Variants in BAZ2B observed in about 807,000 individuals in gnomAD.
The protein encoded by BAZ2B is bromodomain adjacent to zinc finger domain 2B, also known as bromodomain adjacent to zinc finger domain protein 2B.
In BAZ2B, 91 loss-of-function variants were observed where a neutral mutation model predicts 246.0. The observed-to-expected ratio is 0.37, with a 90% CI of 0.31 to 0.44. BAZ2B has a LOEUF of 0.44. Ranked by LOEUF, BAZ2B falls within the 20% of genes least tolerant of loss-of-function variation. BAZ2B has a pLI of 1.00. For synonymous variants in BAZ2B, 855 were observed against 860.0 expected (o/e 0.99, Z 0.10); for missense variants, 2,332 against 2,533.7 (o/e 0.92, Z 1.71).
chr2:159,633,034 C>T, the BAZ2B span, among the ~76,000 whole-genome samples: 1 of 152,054 alleles, frequency 6.6e-6, no homozygotes, highest in Non-Finnish European at 1.5e-5. Flanking sequence ...ATGAATTTTA[C>T]AAGACAGTAC....
rs1242819788 is a variant in BAZ2B at position 159,430,236 on chromosome 2, C to T, written c.2194+627G>A. 2.0e-5 allele frequency among the ~76,000 whole-genome samples: 3 copies of T among 152,160 alleles called. No homozygotes were observed. The East Asian group carries it at 5.8e-4, about 29-fold the overall frequency. ...CTCTGCCACCCATGAAACAGCAAGA[C>T]CAATCCTTCTCCTCCTCAGCCTGTT... On this transcript the variant is annotated intron_variant, in intron 10 of 36. Transcript: ENST00000392783.
At chr2:159,590,616 T>C (rs1351510519) in intron 1 of BAZ2B, among the ~76,000 whole-genome samples, 2 of 151,890 alleles carry the variant, frequency 1.3e-5, no homozygotes, top group Admixed American at 6.6e-5. Context: ...AATAAATAGA[T>C]AGATAGATAG....
In BAZ2B at chr2:159,349,743, C is replaced by T. The variant is rs1256645153; in HGVS notation, c.4828G>A (p.Val1610Ile). ...GATAAAGCAAATGGATTTAAGCCAA[C>T]AGGATTCTGAGCAGAAGATCCAAGA... The part of the protein sequence containing the change: ...APLGSSAQNP[V>I]GLNPFALSPL... Residue 1610 changes from valine to isoleucine, a missense_variant, in exon 28 of 37, where the codon GTT (valine) becomes ATT (isoleucine). Physicochemically the swap from Val to Ile is conservative, Grantham distance 29 (BLOSUM62 3). Around this residue, in one of 9 missense-constraint regions of BAZ2B, gnomAD observed 676 missense variants for 668.6 expected, o/e 1.01. Transcript: ENST00000392783. 55 of 1,613,754 alleles carry T rather than the reference C, an allele frequency of 3.4e-5. No homozygotes were observed. Among genetic ancestry groups the T allele is most frequent in the Non-Finnish European group, 4.5e-5 (53 of 1,179,934 alleles).
intron 1 of BAZ2B, among the ~76,000 whole-genome samples, chr2:159,577,017 G>A (rs1181624173): frequency 6.6e-6 from 1 of 151,598 alleles, no homozygotes; most frequent in Non-Finnish European, 1.5e-5. Context: ...CTTGAGCCCA[G>A]GAGTTCAAGA....
At chr2:159,675,124 T>C in the BAZ2B span, among the ~76,000 whole-genome samples, 2 of 152,258 alleles carry the variant, frequency 1.3e-5, no homozygotes, top group South Asian at 4.1e-4. Flanking sequence ...TATTATAAGC[T>C]GGCACAGAGG....
intron 2 of BAZ2B, among the ~76,000 whole-genome samples, chr2:159,507,506 T>C (rs747519004): frequency 2.6e-5 from 4 of 152,214 alleles, no homozygotes; most frequent in Non-Finnish European, 5.9e-5. Context: ...ATTTCACATA[T>C]ACTAGAGGTC....
the BAZ2B span, chr2:159,712,422 C>T: frequency 2.6e-5 from 4 of 153,080 alleles, no homozygotes; most frequent in Non-Finnish European, 5.8e-5. Context: ...TCGGTCCCCG[C>T]CGCGCCGCCA....
chr2:159,445,674 T>C (rs2074125933), intron 6 of BAZ2B, among the ~76,000 whole-genome samples: 1 of 152,190 alleles, frequency 6.6e-6, no homozygotes, highest in Non-Finnish European at 1.5e-5. Context: ...GAGATGCCAA[T>C]GAAACTCACT....
the BAZ2B span, among the ~76,000 whole-genome samples, chr2:159,662,274 T>C: frequency 2.6e-5 from 4 of 152,364 alleles, no homozygotes; most frequent in Admixed American, 6.5e-5. Context: ...CTTTTGGCAA[T>C]TGTATATAGT....
chr2:159,605,172 T>G, intron 1 of BAZ2B, among the ~76,000 whole-genome samples: 1 of 150,500 alleles, frequency 6.6e-6, no homozygotes. Flanking sequence ...GGCCTACGGG[T>G]GCATGCCACC....
At chr2:159,510,832 C>T (rs963390114) in intron 2 of BAZ2B, among the ~76,000 whole-genome samples, 1 of 152,136 alleles carries the variant, frequency 6.6e-6, no homozygotes, top group Non-Finnish European at 1.5e-5. Context: ...AATGACCGCT[C>T]TCTTACTGTC....
At chr2:159,573,887 C>T (rs1045390944) in intron 1 of BAZ2B, among the ~76,000 whole-genome samples, 2 of 152,064 alleles carry the variant, frequency 1.3e-5, no homozygotes, top group Admixed American at 1.3e-4. Flanking sequence ...ATCGCTTGAG[C>T]CCAAGAGTTC....
At chr2:159,451,319 T>C (rs2075062086) in intron 4 of BAZ2B, among the ~76,000 whole-genome samples, 1 of 152,208 alleles carries the variant, frequency 6.6e-6, no homozygotes, top group East Asian at 1.9e-4. Context: ...CATAATACTT[T>C]AGAAAGTGCA....
At chr2:159,583,694 A>C (rs1687376805) in intron 1 of BAZ2B, among the ~76,000 whole-genome samples, 1 of 152,216 alleles carries the variant, frequency 6.6e-6, no homozygotes, top group Non-Finnish European at 1.5e-5. Context: ...GAGACAGATA[A>C]CAAAAATATA....
intron 11 of BAZ2B, 39 bp from the exon 12 acceptor site, chr2:159,428,458 T>C: frequency 6.8e-7 from 1 of 1,475,644 alleles, no homozygotes; most frequent in African/African-American, 1.4e-5. Context: ...CATACTTAAT[T>C]TCAAGAAAGC....
intron 1 of BAZ2B, among the ~76,000 whole-genome samples, chr2:159,556,675 T>C (rs1369179702): frequency 1.3e-5 from 2 of 152,158 alleles, no homozygotes; most frequent in African/African-American, 4.8e-5. Flanking sequence ...TTGGCCAGCC[T>C]GTTCTCAAAC....
At chr2:159,428,943 C>A (rs1207495720) in intron 11 of BAZ2B, among the ~76,000 whole-genome samples, 3 of 152,084 alleles carry the variant, frequency 2.0e-5, no homozygotes, top group Non-Finnish European at 4.4e-5. Flanking sequence ...CTGATTTGCT[C>A]TTGGTTCTTT....
intron 1 of BAZ2B, among the ~76,000 whole-genome samples, chr2:159,562,221 A>G (rs974087700): frequency 3.3e-5 from 5 of 152,186 alleles, no homozygotes; most frequent in African/African-American, 1.2e-4. Flanking sequence ...AAAAAAAGGT[A>G]TAATTCCCAT....
chr2:159,662,856 A>G, the BAZ2B span, among the ~76,000 whole-genome samples: 2 of 152,068 alleles, frequency 1.3e-5, no homozygotes, highest in African/African-American at 2.4e-5. Context: ...TTAAACAGCC[A>G]TCCTAGTGGT....
Sources: gnomAD v4.1 joint callset for allele counts (sites outside exome capture counted in the v4.1 genomes callset) on GRCh38, gnomAD v4.1.1 for gene constraint, gnomAD v4.1.1 regional missense constraint, MANE v1.5 for transcripts, NCBI Gene and HGNC (gene_info 2026-07-23, HGNC 2026-07-21) for gene names.